Variants in FAT2 observed in about 807,000 individuals in gnomAD.
FAT2 encodes protocadherin Fat 2.
FAT2 carries 150 observed loss-of-function variants against 295.3 expected under a neutral mutation model. The ratio of observed to expected loss-of-function variants is 0.51; its 90% CI spans 0.44 to 0.58. FAT2 has a LOEUF of 0.58. FAT2 is among the 20% of genes least tolerant of loss of function. The pLI, the probability that FAT2 is intolerant of heterozygous loss-of-function variation, is 0.00. For synonymous variants in FAT2, 2,026 were observed against 2,150.3 expected, an observed-to-expected ratio of 0.94 and a Z score of 1.60; for missense variants, 4,868 against 5,442.7, an observed-to-expected ratio of 0.89 and a Z score of 3.32.
chr5:151,560,934 G>T (rs1452184274), intron 3 of FAT2, among the ~76,000 whole-genome samples: 1 of 152,192 alleles, frequency 6.6e-6, no homozygotes, highest in Non-Finnish European at 1.5e-5. Flanking sequence ...ATTATGGTGG[G>T]CACCAACAGT....
At position 151,543,876 on chromosome 5, in the gene FAT2, C is replaced by G. The variant is rs1437072876; in HGVS notation, c.7251G>C (p.Leu2417=). The change falls in exon 10 of 24, where the codon CTG becomes CTC. Residue 2417 remains leucine, a synonymous_variant. Transcript: ENST00000261800. The part of the protein sequence containing the change: ...DSRDTSRLEY[L]ILSGNQDRHF... The stretch of plus-strand genomic sequence containing the variant: ...GCCTGTCCTGATTGCCAGAAAGAAT[C>G]AGGTACTCCAGGCGGGAGGTGTCTC... The G allele has an allele frequency of 1.9e-6, 3 of 1,614,176 alleles. No individual in the cohort carries two copies. Among genetic ancestry groups the G allele is most frequent in the Admixed American group, 3.3e-5 (2 of 60,014 alleles).
chr5:151,568,137 G>A lies in FAT2; in HGVS notation c.795C>T (p.Asp265=), dbSNP rs2127649426. 6 of 1,614,136 alleles carry A rather than the reference G, an allele frequency of 3.7e-6. No homozygotes were observed. The highest frequency in any genetic ancestry group is 1.1e-5 in the South Asian group (1 of 91,082). ...AIASVVVTPP[D]SNDGTTYATV... is the part of the protein sequence containing the mutation. ...TGGCATAGGTGGTACCATCATTGCT[G>A]TCTGGTGGAGTCACCACCACCGAAG... is the stretch of plus-strand genomic sequence containing the variant. Residue 265 remains aspartate, a synonymous_variant, in exon 2 of 24, where the codon GAC becomes GAT. Coordinates refer to ENST00000261800, the MANE Select transcript of FAT2 (RefSeq NM_001447.3).
intron 11 of FAT2, among the ~76,000 whole-genome samples, chr5:151,539,752 A>G (rs192118921): frequency 6.6e-6 from 1 of 152,360 alleles, no homozygotes; most frequent in Non-Finnish European, 1.5e-5. Context: ...CATGACAGCA[A>G]TTGTTGGTTT....
chr5:151,563,619 G>A lies in FAT2; in HGVS notation c.3280C>T (p.Pro1094Ser), dbSNP rs536845780. Reference sequence around the variant, plus strand: ...TAAGATGCAAATTCTCGGTCCAGGGGTGCCAGAGTCTGAATCATTCCTAGG... The same window carrying A: ...TAAGATGCAAATTCTCGGTCCAGGGATGCCAGAGTCTGAATCATTCCTAGG... ...QDTGMIQTLA[P>S]LDREFASYYW... is the part of the protein sequence containing the mutation. Residue 1094 changes from proline (P) to serine (S), a missense_variant, in exon 3 of 24, where the codon CCC becomes TCC. Physicochemically the swap from Pro to Ser is moderately conservative, Grantham distance 74. Coordinates refer to ENST00000261800, the MANE Select transcript of FAT2 (RefSeq NM_001447.3). The A allele has an allele frequency of 1.4e-5, 23 of 1,614,030 alleles. No homozygotes were observed. The South Asian group carries it at 1.8e-4, about 12-fold the overall frequency.
At position 151,521,492 on chromosome 5, in the gene FAT2, A is replaced by G; in HGVS notation, c.11101T>C (p.Ser3701Pro). 3 of 1,614,226 alleles carry G rather than the reference A, an allele frequency of 1.9e-6. No individual in the cohort carries two copies. Among genetic ancestry groups the G allele is most frequent in the Non-Finnish European group, 2.5e-6 (3 of 1,180,036 alleles). ...GTFYEFQELASIITHSAKEME... is the reference protein window; with the variant it reads ...GTFYEFQELAPIITHSAKEME... ...TCCTTGGCTGAGTGAGTGATGATGG[A>G]TGCTAGCTCCTGAAACTCGTAGAAG... The change falls in exon 19 of 24, where the codon TCC (serine) becomes CCC (proline). Residue 3701 changes from serine (S) to proline (P), a missense_variant. By Grantham distance (74) the Ser-to-Pro change is moderately conservative. This residue lies in a region of FAT2 where 1,046 missense variants were observed against 1,210.1 expected (regional missense o/e 0.86). Transcript: ENST00000261800.
At chr5:151,523,187 G>A (rs769238470) in intron 18 of FAT2, among the ~76,000 whole-genome samples, 4 of 152,036 alleles carry the variant, frequency 2.6e-5, no homozygotes, top group Non-Finnish European at 5.9e-5. Flanking sequence ...GCATAACACC[G>A]AAGAGATATT....
intron 1 of FAT2, among the ~76,000 whole-genome samples, chr5:151,581,174 G>T (rs1758941663): frequency 1.3e-5 from 2 of 152,128 alleles, no homozygotes; most frequent in African/African-American, 4.8e-5. Flanking sequence ...GCAAATCATG[G>T]GACCTGACAG....
rs1305816582 is a variant in FAT2, at chr5:151,531,954, C to A, written c.9444G>T (p.Val3148=). 2 of 1,614,180 alleles carry A rather than the reference C, an allele frequency of 1.2e-6. No homozygotes were observed. Among genetic ancestry groups the A allele is most frequent in the East Asian group, 4.5e-5 (2 of 44,892 alleles). Residue 3148 remains valine, a synonymous_variant, in exon 14 of 24, where the codon GTG becomes GTT. Coordinates refer to ENST00000261800, the MANE Select transcript of FAT2 (RefSeq NM_001447.3). The surrounding 1 kb of genome is among the most constrained non-coding windows in gnomAD (Gnocchi z 5.7). The stretch of plus-strand genomic sequence containing the variant: ...CGGCTGAATCCGGCAGAGAGTAAAC[C>A]ACCTGGGCATTGGCGCCTGGCAGGG... ...RDPDQGANAQ[V]VYSLPDSAEG...
In FAT2 at chr5:151,507,496, T is replaced by C; in HGVS notation, c.12175A>G (p.Ile4059Val). The change falls in exon 23 of 24, where the codon ATT becomes GTT. Residue 4059 changes from isoleucine to valine, a missense_variant. Physicochemically the swap from Ile to Val is conservative, Grantham distance 29 (BLOSUM62 3). Coordinates refer to ENST00000261800, the MANE Select transcript of FAT2 (RefSeq NM_001447.3). The stretch of plus-strand genomic sequence containing the variant: ...AGAAGCCCGACAGTGCTTATGATAA[T>C]GAACGCCACGGCCACTGTGATGATC... ...LLIITVAVAF[I>V]IISTVGLLFY... is the part of the protein sequence containing the mutation. The C allele has an allele frequency of 1.2e-6, 2 of 1,614,058 alleles. No homozygotes were observed. Among genetic ancestry groups the C allele is most frequent in the East Asian group, 2.2e-5 (1 of 44,882 alleles).
intron 18 of FAT2, among the ~76,000 whole-genome samples, chr5:151,525,158 T>G (rs1373976766): frequency 6.6e-6 from 1 of 152,108 alleles, no homozygotes; most frequent in Non-Finnish European, 1.5e-5. Flanking sequence ...TCCCAGCCCA[T>G]AAGTTTACAG....
At chr5:151,529,704 C>T (rs1183340018) in intron 14 of FAT2, among the ~76,000 whole-genome samples, 2 of 152,198 alleles carry the variant, frequency 1.3e-5, no homozygotes, top group African/African-American at 4.8e-5. Flanking sequence ...CCCTGTGGAG[C>T]AGGGACAATT....
rs773814683 is a variant in FAT2, at chr5:151,568,098, A to G, written c.834T>C (p.Asp278=). 11 of 1,614,058 alleles carry G rather than the reference A, an allele frequency of 6.8e-6. No homozygotes were observed. The highest frequency in any genetic ancestry group is 2.2e-5 in the East Asian group (1 of 44,898). Reference sequence around the variant, plus strand: ...CCACTTCAGCTCCTGAGCTATTTGCATCGACCAGTACAGTGGCATAGGTGG... The same window carrying G: ...CCACTTCAGCTCCTGAGCTATTTGCGTCGACCAGTACAGTGGCATAGGTGG... The part of the protein sequence containing the change: ...DGTTYATVLV[D]ANSSGAEVES... The change falls in exon 2 of 24, where the codon GAT becomes GAC. Residue 278 remains aspartate, a synonymous_variant. Coordinates refer to ENST00000261800, the MANE Select transcript of FAT2 (RefSeq NM_001447.3).
intron 15 of FAT2, among the ~76,000 whole-genome samples, chr5:151,528,692 G>A (rs1754280643): frequency 6.6e-6 from 1 of 152,118 alleles, no homozygotes; most frequent in Non-Finnish European, 1.5e-5. Flanking sequence ...GAGACTGGAA[G>A]GTGGGATGAA....
rs567766124 is a variant in FAT2 at position 151,521,301 on chromosome 5, G to A, written c.11292C>T (p.His3764=). The A allele has an allele frequency of 1.1e-4, 177 of 1,611,414 alleles. 1 individual carries two copies. The South Asian group carries it at 1.9e-3, about 17-fold the overall frequency. Reference sequence around the variant, plus strand: ...CATTGCAGGAGCAGCTCCTCTGCAGGTGGTGCCGCGGGGTTAGGATGCTGA... The same window carrying A: ...CATTGCAGGAGCAGCTCCTCTGCAGATGGTGCCGCGGGGTTAGGATGCTGA... ...ARLSILTPRH[H]LQRSCSCNGT... is the part of the protein sequence containing the mutation. The change falls in exon 19 of 24, where the codon CAC becomes CAT. Residue 3764 remains histidine (H), a synonymous_variant. Transcript: ENST00000261800.
In FAT2 at chr5:151,546,353, A is replaced by C. The variant is rs778442011; in HGVS notation, c.4790-16T>G. 6.3e-7 allele frequency: 1 copy of C among 1,597,712 alleles called. No individual in the cohort carries two copies. Among genetic ancestry groups the C allele is most frequent in the Admixed American group, 1.7e-5 (1 of 59,296 alleles). ...TCGCTGTTCCCTGAAACAGAAGACA[A>C]GACAAACAAGTTTGCCACACCCTCG... is the stretch of plus-strand genomic sequence containing the variant. On this transcript the variant is annotated splice_polypyrimidine_tract_variant and intron_variant, in intron 9 of 23. Transcript: ENST00000261800.
chr5:151,565,655 C>G lies in FAT2; in HGVS notation c.3259+18G>C. ...CTACCTCTGGCCCTGGCACCCCACC[C>G]TACCCCACCCCCAGTACCTGTATCT... is the stretch of plus-strand genomic sequence containing the variant. On this transcript the variant is annotated intron_variant, in intron 2 of 23. Transcript: ENST00000261800. 1 of 1,483,846 alleles carries G rather than the reference C, an allele frequency of 6.7e-7. No homozygotes were observed. The highest frequency in any genetic ancestry group is 9.2e-7 in the Non-Finnish European group (1 of 1,090,532). The allele number at this position is 1,483,846 out of a possible 1,614,324, so 91.9% of individuals were successfully genotyped here. A position where few individuals can be genotyped will look rare whatever the true frequency, so the allele number is the denominator to read the frequency against.
chr5:151,583,773 G>A (rs1034044695), intron 1 of FAT2, among the ~76,000 whole-genome samples: 2 of 152,100 alleles, frequency 1.3e-5, no homozygotes, highest in African/African-American at 4.8e-5. Flanking sequence ...CGAGTTGGGT[G>A]GATCACTTGA....
At position 151,565,997 on chromosome 5, in the gene FAT2, CT is replaced by C. The variant is rs1758242533; in HGVS notation, c.2934del (p.Ala980ArgfsTer18). On this transcript the variant is annotated frameshift_variant, in exon 2 of 24. Coordinates refer to ENST00000261800, the MANE Select transcript of FAT2 (RefSeq NM_001447.3). LOFTEE classifies it high-confidence loss of function. The stretch of plus-strand genomic sequence containing the variant: ...AGCTCTCTCTCCAGAATGAGCGCCC[CT>C]GTCATCAGGTCCACCCGGAAGGTCC... ...AHGTFRVDLM[T>X]GALILERELD... The C allele has an allele frequency of 3.1e-6, 5 of 1,614,188 alleles. No homozygotes were observed. The highest frequency in any genetic ancestry group is 1.7e-5 in the Admixed American group (1 of 60,030).
intron 18 of FAT2, among the ~76,000 whole-genome samples, chr5:151,525,297 C>G (rs1753875325): frequency 6.6e-6 from 1 of 152,196 alleles, no homozygotes; most frequent in African/African-American, 2.4e-5. Context: ...ACACCACCAC[C>G]AGAATCCCCT....
Sources: gnomAD v4.1 joint callset for allele counts (sites outside exome capture counted in the v4.1 genomes callset) on GRCh38, gnomAD v4.1.1 for gene constraint, gnomAD v4.1.1 regional missense constraint, Gnocchi (gnomAD v3.1) non-coding constraint, MANE v1.5 for transcripts, NCBI Gene and HGNC (gene_info 2026-07-23, HGNC 2026-07-21) for gene names.